Variants in CD5L observed in about 807,000 individuals in gnomAD.
CD5L encodes the protein CD5 antigen-like.
Under a neutral mutation model 40.8 loss-of-function variants are expected in CD5L, and 39 were observed. The observed-to-expected ratio is 0.96, with a 90% CI of 0.74 to 1.25. The LOEUF is 1.25. Among genes scored for constraint, CD5L ranks in the 50% most tolerant of loss-of-function variants. CD5L has a pLI of 0.00. For synonymous variants in CD5L, 192 were observed against 169.6 expected (o/e 1.13, Z -1.03); for missense variants, 433 against 435.9 (o/e 0.99, Z 0.06).
downstream of CD5L, among the ~76,000 whole-genome samples, chr1:157,829,475 G>A (rs1177775494): frequency 2.0e-5 from 3 of 152,162 alleles, no homozygotes; most frequent in African/African-American, 7.2e-5. Context: ...GAGGCCATGA[G>A]CTTTAAATGT....
chr1:157,828,711 T>A (rs916155558), downstream of CD5L, among the ~76,000 whole-genome samples: 5 of 152,202 alleles, frequency 3.3e-5, no homozygotes, highest in African/African-American at 9.6e-5. Context: ...CCTTCCTCAG[T>A]CTCTCACAAG....
chr1:157,832,762 G>A (rs1007567867), intron 5 of CD5L, among the ~76,000 whole-genome samples: 11 of 152,174 alleles, frequency 7.2e-5, no homozygotes, highest in Admixed American at 7.2e-4. Context: ...GGTCATCCAA[G>A]AGAATAACCT....
Position 157,831,135 on chromosome 1 carries a change from C to G in CD5L, c.*829G>C, listed in dbSNP as rs2101934583. The G allele has an allele frequency of 1.0e-6, 1 of 985,298 alleles. No individual in the cohort carries two copies. The highest frequency in any genetic ancestry group is 5.2e-4 in the Middle Eastern group (1 of 1,914). The allele number at this position is 985,298 out of a possible 1,614,324, so 61.0% of individuals were successfully genotyped here. On this transcript the variant is annotated 3_prime_UTR_variant, in exon 6 of 6. Coordinates refer to ENST00000368174, the MANE Select transcript of CD5L (RefSeq NM_005894.3). ...CGCTTGGCATAAGACACAACTTTAG[C>G]CCTCCCTGATCTCTTTCTGCCTCTT...
intron 1 of CD5L, among the ~76,000 whole-genome samples, chr1:157,841,135 C>G (rs907609371): frequency 1.3e-5 from 2 of 152,250 alleles, no homozygotes; most frequent in Middle Eastern, 3.4e-3. Context: ...TACGAATTCA[C>G]ACCGCTAAGA....
At position 157,834,631 on chromosome 1, in the gene CD5L, G is replaced by C. The variant is rs1656147050; in HGVS notation, c.494C>G (p.Thr165Arg). The stretch of plus-strand genomic sequence containing the variant: ...CTTTGCGGCCCGGAGGCTCCAGCCT[G>C]TCTGGCACACGGTATACCACTGGTT... The part of the protein sequence containing the change: ...HQNQWYTVCQ[T>R]GWSLRAAKVV... The change falls in exon 4 of 6, where the codon ACA (threonine) becomes AGA (arginine). Residue 165 changes from threonine to arginine, a missense_variant. By Grantham distance (71) the Thr-to-Arg change is moderately conservative. Coordinates refer to ENST00000368174, the MANE Select transcript of CD5L (RefSeq NM_005894.3). The C allele has an allele frequency of 1.9e-6, 3 of 1,614,108 alleles. No homozygotes were observed. Among genetic ancestry groups the C allele is most frequent in the African/African-American group, 2.7e-5 (2 of 74,932 alleles).
chr1:157,833,338 C>T lies in CD5L; in HGVS notation c.893G>A (p.Arg298Gln), dbSNP rs555822563. ...GCCAACCCCAGGGCCATAGCATTTC[C>T]GGTCTCTGAAGGAGGGAGAGAGGGA... is the stretch of plus-strand genomic sequence containing the variant. ...GKSLSPSFRD[R>Q]KCYGPGVGRI... Residue 298 changes from arginine (R) to glutamine (Q), a missense_variant, in exon 5 of 6, where the codon CGG (arginine) becomes CAG (glutamine). Physicochemically the swap from Arg to Gln is conservative, Grantham distance 43. Coordinates refer to ENST00000368174, the MANE Select transcript of CD5L (RefSeq NM_005894.3). 5.6e-5 allele frequency: 90 copies of T among 1,614,162 alleles called. No homozygotes were observed. The highest frequency in any genetic ancestry group is 6.9e-5 in the Non-Finnish European group (81 of 1,180,040).
At chr1:157,830,456 G>A (rs1177056922), downstream of CD5L, among the ~76,000 whole-genome samples, 5 of 152,032 alleles carry the variant, frequency 3.3e-5, no homozygotes, top group Non-Finnish European at 5.9e-5. Flanking sequence ...TTTTGCCTCC[G>A]GACTCCCAGC....
intron 1 of CD5L, 29 bp downstream of exon 1, chr1:157,841,644 GC>G (rs762576824): frequency 3.1e-6 from 5 of 1,607,752 alleles, no homozygotes; most frequent in Non-Finnish European, 4.3e-6. Flanking sequence ...AAACTCTGAA[GC>G]CTAAACCAAC....
chr1:157,830,563 A>T (rs140137240), downstream of CD5L, among the ~76,000 whole-genome samples: 495 of 152,280 alleles, frequency 3.3e-3, 7 homozygotes, highest in African/African-American at 0.011. Flanking sequence ...GTTTTGACAG[A>T]ATTAATTGAG....
chr1:157,836,219 C>G, intron 2 of CD5L, 64 bp from the exon 3 acceptor site: 1 of 1,288,114 alleles, frequency 7.8e-7, no homozygotes, highest in Non-Finnish European at 1.1e-6. Context: ...TAGGCATGTA[C>G]TCAGTCAATC....
intron 2 of CD5L, 30 bp downstream of exon 2, chr1:157,839,354 C>A (rs769928813): frequency 6.2e-7 from 1 of 1,612,184 alleles, no homozygotes; most frequent in East Asian, 2.2e-5. Context: ...AGCTTGAGGC[C>A]TCCCTCTCAG....
intron 4 of CD5L, 38 bp from the exon 5 acceptor site, chr1:157,833,550 G>A (rs1656108495): frequency 6.9e-7 from 1 of 1,448,770 alleles, no homozygotes. Context: ...TTGGAGACAG[G>A]AAGGGAAAGG....
At chr1:157,829,026 T>C (rs921323000), downstream of CD5L, among the ~76,000 whole-genome samples, 3 of 152,342 alleles carry the variant, frequency 2.0e-5, no homozygotes, top group East Asian at 5.8e-4. Context: ...ACAGAGCTTC[T>C]GATAGCTCCT....
At chr1:157,835,739 T>A in intron 3 of CD5L, 96 bp downstream of exon 3, 1 of 986,898 alleles carries the variant, frequency 1.0e-6, no homozygotes, top group Non-Finnish European at 1.5e-6. Flanking sequence ...CAATTAGCCA[T>A]TGTGTGAACG....
chr1:157,836,177 G>C, intron 2 of CD5L, 22 bp from the exon 3 acceptor site: 1 of 1,597,342 alleles, frequency 6.3e-7, no homozygotes, highest in Non-Finnish European at 8.5e-7. Flanking sequence ...CGGGTTGTTA[G>C]CTAGAGGCCT....
intron 5 of CD5L, 93 bp from the exon 6 acceptor site, chr1:157,832,061 G>A (rs1296038028): frequency 2.0e-6 from 2 of 1,007,320 alleles, no homozygotes; most frequent in Non-Finnish European, 2.9e-6. Flanking sequence ...GAGAAGACTG[G>A]GGCTCAACAT....
chr1:157,835,083 A>C lies in CD5L; in HGVS notation c.377-335T>G, dbSNP rs79796638. ...AACATACAAGATATATCCAACACCA[A>C]ATGCTTTTTGGTTCATTGTTGGCGT... On this transcript the variant is annotated intron_variant, in intron 3 of 5. Coordinates refer to ENST00000368174, the MANE Select transcript of CD5L (RefSeq NM_005894.3). Among the ~76,000 whole-genome samples the C allele has an allele frequency of 4.8e-3, 738 of 152,334 alleles. 2 individuals carry two copies. Among genetic ancestry groups the C allele is most frequent in the African/African-American group, 0.017 (690 of 41,572 alleles).
intron 4 of CD5L, among the ~76,000 whole-genome samples, 176 bp downstream of exon 4, chr1:157,834,231 C>T (rs1386571679): frequency 2.0e-5 from 3 of 152,110 alleles, no homozygotes; most frequent in African/African-American, 7.2e-5. Flanking sequence ...TTTTCAGATA[C>T]AAAGTTGGGT....
At chr1:157,834,221 T>C (rs1187341127) in intron 4 of CD5L, among the ~76,000 whole-genome samples, 186 bp downstream of exon 4, 1 of 152,216 alleles carries the variant, frequency 6.6e-6, no homozygotes, top group African/African-American at 2.4e-5. Flanking sequence ...ATTAAAAGCA[T>C]TTTCAGATAC....
Sources: gnomAD v4.1 joint callset for allele counts (sites outside exome capture counted in the v4.1 genomes callset) on GRCh38, gnomAD v4.1.1 for gene constraint, MANE v1.5 for transcripts, NCBI Gene and HGNC (gene_info 2026-07-23, HGNC 2026-07-21) for gene names.